FRMD6: variants seen among roughly 807,000 people sequenced by gnomAD.
The protein encoded by FRMD6 is FERM domain-containing protein 6.
In FRMD6, 37 loss-of-function variants were observed where a neutral mutation model predicts 73.2. That is an observed-to-expected ratio of 0.51 (90% CI 0.39 to 0.66). The LOEUF (loss-of-function observed/expected upper bound fraction) is 0.66, where lower values mean the gene tolerates loss of function less well. Among genes scored for constraint, FRMD6 ranks in the 30% least tolerant of loss-of-function variants. The pLI, the probability that FRMD6 is intolerant of heterozygous loss-of-function variation, is 0.00. For synonymous variants in FRMD6, 273 were observed against 282.2 expected, an observed-to-expected ratio of 0.97 and a Z score of 0.33; for missense variants, 714 against 780.5, an observed-to-expected ratio of 0.91 and a Z score of 1.02.
chr14:51,598,600 C>A (rs759808191), intron 2 of FRMD6, among the ~76,000 whole-genome samples: 9 of 152,086 alleles, frequency 5.9e-5, no homozygotes, highest in African/African-American at 9.7e-5. Flanking sequence ...GGTCTACTGC[C>A]GCCATCTTTA....
the FRMD6 span, among the ~76,000 whole-genome samples, chr14:51,426,719 C>T: frequency 2.6e-5 from 4 of 152,184 alleles, no homozygotes; most frequent in East Asian, 1.9e-4. Context: ...AGACCCTTCT[C>T]GTTCTCTTCT....
Position 51,692,405 on chromosome 14 carries a change from T to TC in FRMD6, c.99+2471dup, listed in dbSNP as rs563197509. The stretch of plus-strand genomic sequence containing the variant: ...CAATAATTTTTAAAAATATACATAA[T>TC]CTAGGACATATAGCATAAGCACTTA... On this transcript the variant is annotated intron_variant, in intron 2 of 13. Transcript: ENST00000344768. Among the ~76,000 whole-genome samples, 486 of 152,276 alleles carry TC rather than the reference T, an allele frequency of 3.2e-3. 6 individuals carry two copies. Among genetic ancestry groups the TC allele is most frequent in the Admixed American group, 3.1e-3 (48 of 15,292 alleles).
the FRMD6 span, among the ~76,000 whole-genome samples, chr14:51,411,097 A>C: frequency 0.076 from 11,497 of 152,120 alleles, 481 homozygotes; most frequent in South Asian, 0.09. Flanking sequence ...GTTCCCTCCT[A>C]TCCTCAGTCA....
intron 9 of FRMD6, among the ~76,000 whole-genome samples, chr14:51,713,040 A>G (rs1359475686): frequency 1.2e-4 from 18 of 152,212 alleles, no homozygotes; most frequent in Non-Finnish European, 1.2e-4. Flanking sequence ...TGAGAATGAT[A>G]CATTTTCTTT....
the FRMD6 span, among the ~76,000 whole-genome samples, chr14:51,414,517 C>T: frequency 6.6e-6 from 1 of 152,164 alleles, no homozygotes; most frequent in Non-Finnish European, 1.5e-5. Context: ...GTCTATATCT[C>T]TGTTTTGGTA....
At chr14:51,663,680 A>G (rs761551160) in intron 1 of FRMD6, among the ~76,000 whole-genome samples, 3 of 152,210 alleles carry the variant, frequency 2.0e-5, no homozygotes, top group Non-Finnish European at 2.9e-5. Context: ...AATAATCTGT[A>G]CAGCAAACCC....
chr14:51,551,610 G>T (rs1339319626), intron 1 of FRMD6, among the ~76,000 whole-genome samples: 2 of 152,086 alleles, frequency 1.3e-5, no homozygotes, highest in African/African-American at 4.8e-5. Context: ...GATGGTTTGT[G>T]CTTGTAGTCC....
chr14:51,439,079 A>T, the FRMD6 span, among the ~76,000 whole-genome samples: 1 of 152,266 alleles, frequency 6.6e-6, no homozygotes. Flanking sequence ...GTTAAAGTAT[A>T]ATAGCTGAAA....
At chr14:51,627,781 T>C (rs1265749504) in intron 2 of FRMD6, among the ~76,000 whole-genome samples, 2 of 152,178 alleles carry the variant, frequency 1.3e-5, no homozygotes, top group Non-Finnish European at 2.9e-5. Flanking sequence ...AATTAGAAAG[T>C]TGGAGCACTG....
chr14:51,414,031 C>A, the FRMD6 span, among the ~76,000 whole-genome samples: 1 of 151,922 alleles, frequency 6.6e-6, no homozygotes, highest in Non-Finnish European at 1.5e-5. Context: ...TTGTTTAAGC[C>A]CTTTGTAGAT....
chr14:51,571,891 G>A (rs1888154061), intron 2 of FRMD6, among the ~76,000 whole-genome samples: 1 of 152,152 alleles, frequency 6.6e-6, no homozygotes, highest in Non-Finnish European at 1.5e-5. Flanking sequence ...ATCAAACTTT[G>A]TCTCATTAAA....
chr14:51,428,174 A>G, the FRMD6 span, among the ~76,000 whole-genome samples: 2 of 152,158 alleles, frequency 1.3e-5, no homozygotes, highest in Non-Finnish European at 2.9e-5. Context: ...TTTGAACACT[A>G]AAGGTGCCAG....
rs746189282 is a variant in FRMD6 at position 51,723,625 on chromosome 14, C to CA, written c.1492+1557dup. Among the ~76,000 whole-genome samples the CA allele has an allele frequency of 1.1e-3, 153 of 144,366 alleles. 2 individuals carry two copies. Among genetic ancestry groups the CA allele is most frequent in the East Asian group, 0.01 (52 of 4,966 alleles). The allele number at this position is 144,366 out of a possible 152,430, so 94.7% of individuals were successfully genotyped here. On this transcript the variant is annotated intron_variant, in intron 12 of 13. Transcript: ENST00000344768. ...GTGAAACCCCATCTCTACTAAAATG[C>CA]AAAAAAAAAAAATTAGCTGCAGGCC...
the FRMD6 span, among the ~76,000 whole-genome samples, chr14:51,441,024 C>T: frequency 7.4e-4 from 112 of 152,318 alleles, no homozygotes; most frequent in African/African-American, 2.6e-3. Flanking sequence ...CACTTGATAC[C>T]TGTTGTGGCA....
At chr14:51,563,070 G>T (rs1887569537) in intron 1 of FRMD6, among the ~76,000 whole-genome samples, 1 of 152,196 alleles carries the variant, frequency 6.6e-6, no homozygotes, top group Non-Finnish European at 1.5e-5. Context: ...GTAGGCTGCT[G>T]ACCGATGTGT....
intron 1 of FRMD6, among the ~76,000 whole-genome samples, chr14:51,653,530 T>G (rs1396721858): frequency 6.6e-6 from 1 of 152,164 alleles, no homozygotes; most frequent in Non-Finnish European, 1.5e-5. Flanking sequence ...GGTTCAGCAG[T>G]GTTAAAGGAT....
intron 2 of FRMD6, among the ~76,000 whole-genome samples, chr14:51,639,246 C>T (rs1469458723): frequency 6.6e-6 from 1 of 151,910 alleles, no homozygotes; most frequent in Non-Finnish European, 1.5e-5. Context: ...CCATGCTGAC[C>T]AACACGGTGA....
intron 1 of FRMD6, among the ~76,000 whole-genome samples, chr14:51,491,738 C>T (rs17660245): frequency 0.04 from 6,098 of 152,322 alleles, 172 homozygotes; most frequent in East Asian, 0.075. Flanking sequence ...CCAAAGCATT[C>T]GACCACAGCC....
chr14:51,583,522 T>C (rs1386444484), intron 2 of FRMD6, among the ~76,000 whole-genome samples: 1 of 152,226 alleles, frequency 6.6e-6, no homozygotes, highest in Non-Finnish European at 1.5e-5. Flanking sequence ...ACTTACTATG[T>C]ACCTGGAGCT....
Sources: allele counts gnomAD v4.1 joint callset (sites outside exome capture counted in the v4.1 genomes callset), GRCh38; gene constraint gnomAD v4.1.1; transcripts MANE v1.5; gene names NCBI Gene and HGNC (gene_info 2026-07-23, HGNC 2026-07-21).